Variants in POLD1 observed in about 807,000 individuals in gnomAD.
POLD1 encodes DNA polymerase delta catalytic subunit.
POLD1 carries 79 observed loss-of-function variants against 129.7 expected under a neutral mutation model. That is an observed-to-expected ratio of 0.61 (90% CI 0.51 to 0.73). POLD1 has a LOEUF of 0.73. Ranked by LOEUF, POLD1 falls within the 30% of genes least tolerant of loss-of-function variation. The pLI is 0.00. For synonymous variants in POLD1, 714 were observed against 683.3 expected, an observed-to-expected ratio of 1.04 and a Z score of -0.70; for missense variants, 1,338 against 1,595.8, an observed-to-expected ratio of 0.84 and a Z score of 2.75.
chr19:50,416,488 G>C lies in POLD1; in HGVS notation c.2913G>C (p.Glu971Asp). Residue 971 changes from glutamate to aspartate, a missense_variant, in exon 23 of 27, where the codon GAG becomes GAC. By Grantham distance (45) the Glu-to-Asp change is conservative. Coordinates refer to ENST00000440232, the MANE Select transcript of POLD1 (RefSeq NM_002691.4). Reference protein sequence around the residue: ...QLAKPLLRIFEPILGEGRAEA... With the variant: ...QLAKPLLRIFDPILGEGRAEA... ...CCAAGCCCCTCCTGCGCATCTTCGA[G>C]CCCATCCTGGGCGAGGGCCGTGCCG... is the stretch of plus-strand genomic sequence containing the variant. 1 of 1,552,056 alleles carries C rather than the reference G, an allele frequency of 6.4e-7. No homozygotes were observed. The highest frequency in any genetic ancestry group is 1.2e-5 in the South Asian group (1 of 84,264).
intron 14 of POLD1, among the ~76,000 whole-genome samples, chr19:50,407,712 C>T (rs1044296719): frequency 4.0e-5 from 6 of 149,300 alleles, no homozygotes. Flanking sequence ...GCGCCCACCA[C>T]CACGCCTGGC....
intron 1 of POLD1, among the ~76,000 whole-genome samples, 160 bp from the exon 2 acceptor site, chr19:50,398,691 C>T (rs767215844): frequency 5.9e-5 from 9 of 151,672 alleles, no homozygotes; most frequent in Non-Finnish European, 1.2e-4. Flanking sequence ...CTGGAATGTG[C>T]TCCCACCCCA....
chr19:50,406,090 A>T lies in POLD1; in HGVS notation c.1243-92A>T, dbSNP rs1031418720. Reference sequence around the variant, plus strand: ...TTGCTCTCGACCCCCTAGGGTTGTTATAAGGATGTTGTGGTTGGTCTCAAT... The same window carrying T: ...TTGCTCTCGACCCCCTAGGGTTGTTTTAAGGATGTTGTGGTTGGTCTCAAT... On this transcript the variant is annotated intron_variant, in intron 10 of 26. Coordinates refer to ENST00000440232, the MANE Select transcript of POLD1 (RefSeq NM_002691.4). This position sits in a 1 kb window ranked among gnomAD's most constrained non-coding sequence, Gnocchi z 5.5. The T allele has an allele frequency of 1.2e-4, 174 of 1,485,402 alleles. 1 individual carries two copies. The East Asian group carries it at 3.9e-3, about 33-fold the overall frequency. 92.0% of individuals were successfully genotyped at this position (1,485,402 alleles called of 1,614,324 possible).
At chr19:50,416,194 C>T (rs1264415985) in intron 22 of POLD1, 1 of 602,850 alleles carries the variant, frequency 1.7e-6, no homozygotes, top group Non-Finnish European at 2.9e-6. Flanking sequence ...TGAACTCTGA[C>T]CCTTCCGTGG....
chr19:50,407,293 T>TACCCACTCCATTTCCCACCTTC (rs1315370549), intron 13 of POLD1, 34 bp from the exon 14 acceptor site: 5 of 1,588,512 alleles, frequency 3.1e-6, no homozygotes, highest in Non-Finnish European at 4.3e-6. Flanking sequence ...GCCCCACCTA[T>TACCCACTCCATTTCCCACCTTC]ACCCACTCCA....
chr19:50,409,251 C>T lies in POLD1; in HGVS notation c.2006+16C>T, dbSNP rs372942171. On this transcript the variant is annotated intron_variant, in intron 16 of 26. Transcript: ENST00000440232. This position sits in a 1 kb window ranked among gnomAD's most constrained non-coding sequence, Gnocchi z 5.8. ...CCCGGAAGAGGTGAGCCCTGGAGATCGCCTGCTTGGAGCTCAGACCTGTTG... is the reference window on the plus strand; with the variant it reads ...CCCGGAAGAGGTGAGCCCTGGAGATTGCCTGCTTGGAGCTCAGACCTGTTG... 441 of 1,554,668 alleles carry T rather than the reference C, an allele frequency of 2.8e-4. No homozygotes were observed. Among genetic ancestry groups the T allele is most frequent in the Non-Finnish European group, 3.2e-4 (357 of 1,126,766 alleles).
At chr19:50,403,779 G>T (rs549881856) in intron 10 of POLD1, among the ~76,000 whole-genome samples, 182 bp downstream of exon 10, 3 of 152,300 alleles carry the variant, frequency 2.0e-5, no homozygotes, top group African/African-American at 7.2e-5. Flanking sequence ...AAAAGTTACT[G>T]TGGCTTTTAT....
rs764832779 is a variant in POLD1 at position 50,402,733 on chromosome 19, G to C, written c.962G>C (p.Gly321Ala). 1 of 1,591,690 alleles carries C rather than the reference G, an allele frequency of 6.3e-7. No individual in the cohort carries two copies. The highest frequency in any genetic ancestry group is 1.7e-5 in the Admixed American group (1 of 59,244). Residue 321 changes from glycine (G) to alanine (A), a missense_variant, in exon 8 of 27, where the codon GGC becomes GCC. Gly to Ala is a moderately conservative substitution (Grantham distance 60). This residue lies in a region of POLD1 where 720 missense variants were observed against 1,002.6 expected (regional missense o/e 0.72). Transcript: ENST00000440232. ...RVLSFDIECA[G>A]RKGIFPEPER... ...CTCAGCTTCGATATCGAGTGCGCCG[G>C]CCGCAAAGGTCTGTCCCCGGGCCCG...
Position 50,409,627 on chromosome 19 carries a change from C to T in POLD1, c.2115C>T (p.Gly705=), listed in dbSNP as rs777115075. ...VSANSVYGFT[G]AQVGKLPCLE... is the part of the protein sequence containing the mutation. Reference sequence around the variant, plus strand: ...CCAACTCCGTATACGGCTTCACTGGCGCCCAGGTGGGCAAGTTGCCGTGCC... The same window carrying T: ...CCAACTCCGTATACGGCTTCACTGGTGCCCAGGTGGGCAAGTTGCCGTGCC... The change falls in exon 17 of 27, where the codon GGC becomes GGT. Residue 705 remains glycine, a synonymous_variant. Coordinates refer to ENST00000440232, the MANE Select transcript of POLD1 (RefSeq NM_002691.4). This position sits in a 1 kb window ranked among gnomAD's most constrained non-coding sequence, Gnocchi z 5.8. 20 of 1,607,844 alleles carry T rather than the reference C, an allele frequency of 1.2e-5. No individual in the cohort carries two copies. The South Asian group carries it at 1.8e-4, about 14-fold the overall frequency.
Position 50,417,184 on chromosome 19 carries a change from A to G in POLD1, c.3133A>G (p.Asn1045Asp). The part of the protein sequence containing the change: ...ELYQKEVSHL[N>D]ALEERFSRLW... ...CTGCCGTCCCCAGGTATCCCATCTG[A>G]ATGCCCTGGAGGAGCGCTTCTCGCG... The change falls in exon 26 of 27, where the codon AAT becomes GAT. Residue 1045 changes from asparagine (N) to aspartate (D), a missense_variant. By Grantham distance (23) the Asn-to-Asp change is conservative. Around this residue, in one of 3 missense-constraint regions of POLD1, gnomAD observed 286 missense variants for 277.5 expected, o/e 1.03. Transcript: ENST00000440232. 1 of 1,605,966 alleles carries G rather than the reference A, an allele frequency of 6.2e-7. No homozygotes were observed. Among genetic ancestry groups the G allele is most frequent in the Non-Finnish European group, 8.5e-7 (1 of 1,177,098 alleles).
rs778135510 is a variant in POLD1 at position 50,403,580 on chromosome 19, C to G, written c.1225C>G (p.Arg409Gly). ...CTTCGACCTTCCGTACCTCATCTCT[C>G]GGGCCCAGACCCTCAAGGTGAGGGC... The part of the protein sequence containing the change: ...QNFDLPYLIS[R>G]AQTLKVQTFP... Residue 409 changes from arginine (R) to glycine (G), a missense_variant, in exon 10 of 27, where the codon CGG becomes GGG. Coordinates refer to ENST00000440232, the MANE Select transcript of POLD1 (RefSeq NM_002691.4). The G allele has an allele frequency of 6.2e-7, 1 of 1,611,928 alleles. No individual in the cohort carries two copies. The highest frequency in any genetic ancestry group is 8.5e-7 in the Non-Finnish European group (1 of 1,177,966).
rs777560428 is a variant in POLD1, at chr19:50,416,536, G to A, written c.2953+8G>A. 38 of 1,551,860 alleles carry A rather than the reference G, an allele frequency of 2.4e-5. No homozygotes were observed. The South Asian group carries it at 4.3e-4, about 17-fold the overall frequency. On this transcript the variant is annotated splice_region_variant and intron_variant, in intron 23 of 26. Coordinates refer to ENST00000440232, the MANE Select transcript of POLD1 (RefSeq NM_002691.4). ...CCGAGGCTGTGCTACTGCGTACGGG[G>A]GCACCAGGGGACTGGGGGCACCCTG...
intron 1 of POLD1, among the ~76,000 whole-genome samples, chr19:50,396,017 G>T (rs2038349754): frequency 6.7e-6 from 1 of 148,818 alleles, no homozygotes; most frequent in Admixed American, 6.8e-5. Context: ...TATGCCCAGT[G>T]AACTTTTTTG....
At chr19:50,391,426 G>C (rs577995422) in intron 1 of POLD1, among the ~76,000 whole-genome samples, 1 of 152,210 alleles carries the variant, frequency 6.6e-6, no homozygotes, top group Non-Finnish European at 1.5e-5. Context: ...CTGAGTGAGC[G>C]AGACTCCGTC....
intron 1 of POLD1, among the ~76,000 whole-genome samples, chr19:50,391,508 C>T (rs2038168510): frequency 6.6e-6 from 1 of 152,142 alleles, no homozygotes; most frequent in Non-Finnish European, 1.5e-5. Context: ...CCAGCCCGGC[C>T]AACACGGCGA....
At chr19:50,405,285 C>A (rs772950512) in intron 10 of POLD1, among the ~76,000 whole-genome samples, 33 of 152,194 alleles carry the variant, frequency 2.2e-4, no homozygotes, top group Non-Finnish European at 4.6e-4. Flanking sequence ...CACTTGACCC[C>A]CTGCGAAGAC....
rs189618184 is a variant in POLD1, at chr19:50,401,259, T to C, written c.317-519T>C. Among the ~76,000 whole-genome samples, 56 of 146,810 alleles carry C rather than the reference T, an allele frequency of 3.8e-4. 1 individual carries two copies. In the Middle Eastern group the frequency reaches 0.025, roughly 66 times the overall value. On this transcript the variant is annotated intron_variant, in intron 3 of 26. Transcript: ENST00000440232. ...ATATAAGATATATATATATGATATA[T>C]TCTTTATGTATTAATTTATGTATAA...
At chr19:50,395,760 T>C (rs3219346) in intron 1 of POLD1, among the ~76,000 whole-genome samples, 20,370 of 152,066 alleles carry the variant, frequency 0.13, 1,742 homozygotes, top group African/African-American at 0.24. Flanking sequence ...TATGGCCGTT[T>C]ACTCCTAAAT....
chr19:50,402,903 C>A, intron 8 of POLD1, 150 bp from the exon 9 acceptor site: 1 of 1,313,372 alleles, frequency 7.6e-7, no homozygotes, highest in Non-Finnish European at 1.0e-6. Context: ...GTGGAGATGG[C>A]CTGGAGGTGA....
Sources: allele counts gnomAD v4.1 joint callset (sites outside exome capture counted in the v4.1 genomes callset), GRCh38; gene constraint gnomAD v4.1.1; regional missense constraint gnomAD v4.1.1; non-coding constraint Gnocchi (gnomAD v3.1); transcripts MANE v1.5; gene names NCBI Gene and HGNC (gene_info 2026-07-23, HGNC 2026-07-21).